The following INPP5D variants were observed in gnomAD, a reference collection of about 807,000 sequenced individuals.
INPP5D encodes inositol polyphosphate-5-phosphatase D.
Under a neutral mutation model 122.9 loss-of-function variants are expected in INPP5D, and 33 were observed. The observed-to-expected ratio is 0.27, with a 90% CI of 0.20 to 0.36. INPP5D has a LOEUF of 0.36. Among genes scored for constraint, INPP5D ranks in the 10% least tolerant of loss-of-function variants. The pLI is 1.00. For missense variants in INPP5D, 1,053 were observed against 1,412.7 expected, an observed-to-expected ratio of 0.75 and a Z score of 4.08; for synonymous variants, 584 against 576.2, an observed-to-expected ratio of 1.01 and a Z score of -0.19.
intron 2 of INPP5D, among the ~76,000 whole-genome samples, chr2:233,087,499 G>GT (rs774452399): frequency 4.0e-5 from 6 of 151,842 alleles, no homozygotes; most frequent in Non-Finnish European, 8.8e-5. Context: ...GCTAATTTTT[G>GT]TGTTTTTAGT....
rs1694842794 is a variant in INPP5D at position 233,183,860 on chromosome 2, G to A, written c.2162-548G>A. On this transcript the variant is annotated intron_variant, in intron 19 of 26. Coordinates refer to ENST00000445964, the MANE Select transcript of INPP5D (RefSeq NM_001017915.3). This position sits in a 1 kb window ranked among gnomAD's most constrained non-coding sequence, Gnocchi z 4.6. ...GGCTCAAAATTTCTATGAAAGGACA[G>A]AACACTTGTTTAAAAGCAGCTTAAG... Among the ~76,000 whole-genome samples the A allele has an allele frequency of 6.6e-6, 1 of 152,234 alleles. No individual in the cohort carries two copies. The highest frequency in any genetic ancestry group is 2.1e-4 in the South Asian group (1 of 4,832).
At chr2:233,108,430 G>A (rs1483768919) in intron 2 of INPP5D, among the ~76,000 whole-genome samples, 2 of 152,212 alleles carry the variant, frequency 1.3e-5, no homozygotes, top group Admixed American at 1.3e-4. Context: ...AAACCCACCT[G>A]CACTATTAGA....
At chr2:233,065,100 T>C (rs1167134505) in intron 1 of INPP5D, among the ~76,000 whole-genome samples, 2 of 152,152 alleles carry the variant, frequency 1.3e-5, no homozygotes, top group African/African-American at 4.8e-5. Flanking sequence ...AAGGCCTATG[T>C]ATTTCACTCA....
rs1691576799 is a variant in INPP5D at position 233,078,208 on chromosome 2, A to G, written c.135-1127A>G. On this transcript the variant is annotated intron_variant, in intron 1 of 26. Transcript: ENST00000445964. The surrounding 1 kb of genome is among the most constrained non-coding windows in gnomAD (Gnocchi z 4.6). ...TGTTAGCTGCTGCCAGGGTTTCAGCAGGCTGAGGGCCACCGCAGTGTGCCC... is the reference window on the plus strand; with the variant it reads ...TGTTAGCTGCTGCCAGGGTTTCAGCGGGCTGAGGGCCACCGCAGTGTGCCC... Among the ~76,000 whole-genome samples the G allele has an allele frequency of 6.6e-6, 1 of 152,212 alleles. No individual in the cohort carries two copies. Among genetic ancestry groups the G allele is most frequent in the South Asian group, 2.1e-4 (1 of 4,830 alleles).
chr2:233,162,513 TGTG>T (rs1473442705), intron 11 of INPP5D, among the ~76,000 whole-genome samples: 1 of 126,304 alleles, frequency 7.9e-6, no homozygotes, highest in Non-Finnish European at 2.0e-5. Flanking sequence ...ACATATATAT[TGTG>T]TATTTACTAA....
At position 233,160,658 on chromosome 2, in the gene INPP5D, G is replaced by A. The variant is rs1694175769; in HGVS notation, c.1138-1066G>A. On this transcript the variant is annotated intron_variant, in intron 10 of 26. Coordinates refer to ENST00000445964, the MANE Select transcript of INPP5D (RefSeq NM_001017915.3). This position sits in a 1 kb window ranked among gnomAD's most constrained non-coding sequence, Gnocchi z 4.2. ...TCTGTTTCTTTTCTTTTCTGAGACAGGGTCTTGTTCAGTTGCCCCGGCTGA... is the reference window on the plus strand; with the variant it reads ...TCTGTTTCTTTTCTTTTCTGAGACAAGGTCTTGTTCAGTTGCCCCGGCTGA... 6.6e-6 allele frequency among the ~76,000 whole-genome samples: 1 copy of A among 151,864 alleles called. No individual in the cohort carries two copies. The highest frequency in any genetic ancestry group is 1.5e-5 in the Non-Finnish European group (1 of 68,006).
rs181289814 is a variant in INPP5D, at chr2:233,110,130, C to A, written c.199-11977C>A. 1.3e-3 allele frequency among the ~76,000 whole-genome samples: 190 copies of A among 151,288 alleles called. 1 individual carries two copies. The highest frequency in any genetic ancestry group is 4.4e-3 in the African/African-American group (181 of 41,116). On this transcript the variant is annotated intron_variant, in intron 2 of 26. Coordinates refer to ENST00000445964, the MANE Select transcript of INPP5D (RefSeq NM_001017915.3). The stretch of plus-strand genomic sequence containing the variant: ...GCAGTGGCATGATCTCTGCTCACTG[C>A]AGCCTCTGCCTCCCAGGTTCAAGCG...
chr2:233,178,885 C>T (rs1343935723), intron 18 of INPP5D, among the ~76,000 whole-genome samples: 1 of 152,158 alleles, frequency 6.6e-6, no homozygotes, highest in East Asian at 1.9e-4. Flanking sequence ...GGAATGCTGC[C>T]CGCTGGCCAC....
intron 4 of INPP5D, among the ~76,000 whole-genome samples, chr2:233,126,799 A>G (rs964819374): frequency 1.5e-4 from 23 of 152,116 alleles, no homozygotes; most frequent in African/African-American, 5.6e-4. Flanking sequence ...GGGCGCCTAT[A>G]ATCCCAGCTA....
At chr2:233,106,972 G>A in intron 2 of INPP5D, among the ~76,000 whole-genome samples, 1 of 152,154 alleles carries the variant, frequency 6.6e-6, no homozygotes, top group East Asian at 1.9e-4. Flanking sequence ...GATGTGAGGG[G>A]TTCAAAGCAC....
At position 233,206,830 on chromosome 2, in the gene INPP5D, T is replaced by G; in HGVS notation, c.*122T>G. The stretch of plus-strand genomic sequence containing the variant: ...GCTTCCTATGCAAGGCTTTGTGTTT[T>G]CAGGAAAGGGCCTAGCTTCTGTGTG... On this transcript the variant is annotated 3_prime_UTR_variant, in exon 27 of 27. Transcript: ENST00000445964. The surrounding 1 kb of genome is among the most constrained non-coding windows in gnomAD (Gnocchi z 4.0). 2.8e-6 allele frequency: 2 copies of G among 703,338 alleles called. No homozygotes were observed. Among genetic ancestry groups the G allele is most frequent in the Non-Finnish European group, 5.3e-6 (2 of 376,380 alleles). 43.6% of individuals were successfully genotyped at this position (703,338 alleles called of 1,614,324 possible).
intron 25 of INPP5D, among the ~76,000 whole-genome samples, chr2:233,201,353 A>G (rs76758504): frequency 0.034 from 5,128 of 152,340 alleles, 160 homozygotes; most frequent in Admixed American, 0.092. Context: ...CTTGGTGCAT[A>G]ACAACGAGCA....
chr2:233,124,665 G>C (rs746405759), intron 3 of INPP5D, among the ~76,000 whole-genome samples: 2 of 152,196 alleles, frequency 1.3e-5, no homozygotes, highest in Non-Finnish European at 2.9e-5. Context: ...CTGCAGAAAC[G>C]CCCTCCACAC....
chr2:233,065,468 G>C (rs376724939), intron 1 of INPP5D, among the ~76,000 whole-genome samples: 2 of 36,988 alleles, frequency 5.4e-5, no homozygotes, highest in African/African-American at 3.2e-4. Flanking sequence ...CCACCACACC[G>C]GGCTAATTTT....
intron 4 of INPP5D, among the ~76,000 whole-genome samples, chr2:233,126,825 G>C (rs1693176545): frequency 6.6e-6 from 1 of 151,952 alleles, no homozygotes; most frequent in Admixed American, 6.6e-5. Flanking sequence ...GAGGCTGAGG[G>C]AGGAGAATAG....
At chr2:233,171,348 T>A in intron 17 of INPP5D, 196 bp downstream of exon 17, 1 of 705,442 alleles carries the variant, frequency 1.4e-6, no homozygotes, top group Non-Finnish European at 2.1e-6. Context: ...GCTGGGAAAA[T>A]AACCCTTGTG....
chr2:233,107,357 G>T (rs1692496533), intron 2 of INPP5D, among the ~76,000 whole-genome samples: 1 of 152,156 alleles, frequency 6.6e-6, no homozygotes, highest in Admixed American at 6.5e-5. Context: ...GCTATCTTGG[G>T]TGGGCACAGG....
chr2:233,137,879 TATATATATATATATATATAC>T (rs1693526356), intron 5 of INPP5D, among the ~76,000 whole-genome samples: 2 of 56,238 alleles, frequency 3.6e-5, no homozygotes, highest in African/African-American at 1.1e-4. Flanking sequence ...TATATATATA[TATATATATATATATATATAC>T]ACACACACAC....
chr2:233,164,036 G>A lies in INPP5D; in HGVS notation c.1437+133G>A, dbSNP rs566508328. On this transcript the variant is annotated intron_variant, in intron 12 of 26. Transcript: ENST00000445964. The surrounding 1 kb of genome is among the most constrained non-coding windows in gnomAD (Gnocchi z 4.3). The stretch of plus-strand genomic sequence containing the variant: ...GGATGTCTGGAGGCCCCCACTGAGA[G>A]ATGCGTCTGTATTCAGAAATAAATG... 2 of 1,434,132 alleles carry A rather than the reference G, an allele frequency of 1.4e-6. No individual in the cohort carries two copies. The highest frequency in any genetic ancestry group is 1.4e-5 in the African/African-American group (1 of 69,604). 88.8% of individuals were successfully genotyped at this position (1,434,132 alleles called of 1,614,324 possible).
Sources: allele counts gnomAD v4.1 joint callset (sites outside exome capture counted in the v4.1 genomes callset), GRCh38; gene constraint gnomAD v4.1.1; non-coding constraint Gnocchi (gnomAD v3.1); transcripts MANE v1.5; gene names NCBI Gene and HGNC (gene_info 2026-07-23, HGNC 2026-07-21).